The following ABCA3 variants were observed in gnomAD, a reference collection of about 807,000 sequenced individuals.
ABCA3 encodes phospholipid-transporting ATPase ABCA3.
A neutral mutation model predicts 172.8 loss-of-function variants in ABCA3; 88 were observed. The ratio of observed to expected loss-of-function variants is 0.51; its 90% confidence interval spans 0.43 to 0.61. ABCA3 has a LOEUF of 0.61. Among genes scored for constraint, ABCA3 ranks in the 20% least tolerant of loss-of-function variants. ABCA3 has a pLI of 0.00. For synonymous variants in ABCA3, 1,066 were observed against 983.8 expected, an observed-to-expected ratio of 1.08 and a Z score of -1.56; for missense variants, 2,164 against 2,301.0, an observed-to-expected ratio of 0.94 and a Z score of 1.22.
rs1163665763 is a variant in ABCA3, at chr16:2,332,610, C to T, written c.-538-2756G>A. 14 of 1,574,268 alleles carry T rather than the reference C, an allele frequency of 8.9e-6. No individual in the cohort carries two copies. The East Asian group carries it at 2.7e-4, about 30-fold the overall frequency. ...GCAAAACTGGCTCCAGCAGCTTGTACTGTAGCGTGGGCGGCTCAATCTTCT... is the reference window on the plus strand; with the variant it reads ...GCAAAACTGGCTCCAGCAGCTTGTATTGTAGCGTGGGCGGCTCAATCTTCT... On this transcript the variant is annotated intron_variant, in intron 1 of 32. Coordinates refer to ENST00000301732, the MANE Select transcript of ABCA3 (RefSeq NM_001089.3).
At position 2,281,387 on chromosome 16, in the gene ABCA3, G is replaced by A. The variant is rs762696482; in HGVS notation, c.4158C>T (p.Leu1386=). 3.1e-6 allele frequency: 5 copies of A among 1,613,598 alleles called. No homozygotes were observed. In the African/African-American group the frequency reaches 6.7e-5, roughly 22 times the overall value. ...CCCCAAATTGCAAGGGTACCTTGGA[G>A]AGCTCCTTGATAATCAGAGGTGTGT... ...LLHTPLIIKE[L]SKVYEQRVPL... The change falls in exon 27 of 33, where the codon CTC becomes CTT. Residue 1386 remains leucine, a synonymous_variant. Transcript: ENST00000301732. The surrounding 1 kb of genome is among the most constrained non-coding windows in gnomAD (Gnocchi z 4.7).
chr16:2,317,569 A>T (rs929760139), intron 9 of ABCA3, 79 bp downstream of exon 9: 4 of 1,589,586 alleles, frequency 2.5e-6, no homozygotes, highest in Non-Finnish European at 3.5e-6. Flanking sequence ...TCTGACCACA[A>T]AGTTCTTCCC....
intron 17 of ABCA3, among the ~76,000 whole-genome samples, chr16:2,296,368 G>A (rs907401019): frequency 6.6e-6 from 1 of 152,116 alleles, no homozygotes; most frequent in African/African-American, 2.4e-5. Flanking sequence ...CCAAGTAGCT[G>A]GGATTACAGG....
In ABCA3 at chr16:2,298,046, AGG is replaced by A. The variant is rs1451302699; in HGVS notation, c.1897-127_1897-126del. ...GGGGAGATGCAGGGCTCCTGGCGGG[AGG>A]CCGACCACGGCCAGCAAGGTTCTGG... On this transcript the variant is annotated intron_variant, in intron 15 of 32. Coordinates refer to ENST00000301732, the MANE Select transcript of ABCA3 (RefSeq NM_001089.3). The A allele has an allele frequency of 9.3e-6, 7 of 754,380 alleles. No individual in the cohort carries two copies. The African/African-American group carries it at 9.9e-5, about 11-fold the overall frequency. The allele number at this position is 754,380 out of a possible 1,614,324, so 46.7% of individuals were successfully genotyped here.
intron 1 of ABCA3, among the ~76,000 whole-genome samples, chr16:2,337,986 T>C (rs1187645907): frequency 6.6e-6 from 1 of 152,216 alleles, no homozygotes; most frequent in Non-Finnish European, 1.5e-5. Context: ...CGGGACAGAC[T>C]TCCACAAAAT....
intron 12 of ABCA3, among the ~76,000 whole-genome samples, chr16:2,300,581 C>T (rs188489899): frequency 1.1e-4 from 17 of 152,278 alleles, no homozygotes; most frequent in East Asian, 5.8e-4. Flanking sequence ...CAAGAGAAGC[C>T]GAAGGCGCCA....
At chr16:2,315,287 G>A (rs11867129) in intron 10 of ABCA3, among the ~76,000 whole-genome samples, 1 of 150,666 alleles carries the variant, frequency 6.6e-6, no homozygotes, top group Non-Finnish European at 1.5e-5. Context: ...ATTGAAATTC[G>A]AACCGAAGAC....
At chr16:2,307,538 A>G (rs1480007450) in intron 11 of ABCA3, among the ~76,000 whole-genome samples, 1 of 152,030 alleles carries the variant, frequency 6.6e-6, no homozygotes, top group African/African-American at 2.4e-5. Flanking sequence ...TGGGAAACAG[A>G]ACGAGACTCT....
chr16:2,303,410 C>T (rs1040637046), intron 12 of ABCA3, among the ~76,000 whole-genome samples: 10 of 151,502 alleles, frequency 6.6e-5, no homozygotes, highest in African/African-American at 1.7e-4. Context: ...TACAGGCACC[C>T]GCCATCACAC....
intron 1 of ABCA3, among the ~76,000 whole-genome samples, chr16:2,335,746 G>C (rs1178618885): frequency 1.3e-5 from 2 of 152,200 alleles, no homozygotes; most frequent in Non-Finnish European, 2.9e-5. Flanking sequence ...AAGTTTCAGA[G>C]CTTTCCAGTT....
intron 12 of ABCA3, among the ~76,000 whole-genome samples, chr16:2,301,041 T>C (rs372478245): frequency 2.1e-4 from 31 of 149,792 alleles, no homozygotes; most frequent in East Asian, 1.2e-3. Flanking sequence ...CCATCCTGGC[T>C]AACACGGTGA....
Position 2,303,937 on chromosome 16 carries a change from C to T in ABCA3, c.1467+32G>A, listed in dbSNP as rs576112465. On this transcript the variant is annotated intron_variant, in intron 12 of 32. Coordinates refer to ENST00000301732, the MANE Select transcript of ABCA3 (RefSeq NM_001089.3). ...GGGGACACCTCTGCACTCAGAGAGG[C>T]GGCGGCTCAAGAGCAGGGCATCAGA... 1.2e-4 allele frequency: 186 copies of T among 1,612,530 alleles called. 2 individuals carry two copies. Among genetic ancestry groups the T allele is most frequent in the South Asian group, 7.1e-4 (65 of 91,046 alleles).
chr16:2,277,836 G>T lies in ABCA3; in HGVS notation c.4909+43C>A. 6.2e-7 allele frequency: 1 copy of T among 1,605,636 alleles called. No individual in the cohort carries two copies. Among genetic ancestry groups the T allele is most frequent in the South Asian group, 1.1e-5 (1 of 90,560 alleles). On this transcript the variant is annotated intron_variant, in intron 31 of 32. Transcript: ENST00000301732. This position sits in a 1 kb window ranked among gnomAD's most constrained non-coding sequence, Gnocchi z 5.3. ...GCAGATGGGAGAGGCCTAGGTAGGGGCCCAGGGCCCACCCAGTGGGGGCTG... is the reference window on the plus strand; with the variant it reads ...GCAGATGGGAGAGGCCTAGGTAGGGTCCCAGGGCCCACCCAGTGGGGGCTG...
At chr16:2,311,237 G>A (rs754666687) in intron 10 of ABCA3, among the ~76,000 whole-genome samples, 1 of 152,096 alleles carries the variant, frequency 6.6e-6, no homozygotes, top group Non-Finnish European at 1.5e-5. Flanking sequence ...CTCCCAAAGT[G>A]CTGGAATTAC....
At position 2,288,324 on chromosome 16, in the gene ABCA3, G is replaced by A; in HGVS notation, c.2706C>T (p.Ala902=). The change falls in exon 21 of 33, where the codon GCC becomes GCT. Residue 902 remains alanine, a synonymous_variant. Coordinates refer to ENST00000301732, the MANE Select transcript of ABCA3 (RefSeq NM_001089.3). The part of the protein sequence containing the change: ...RTAVKLNTGL[A]LHCQQFWAMF... Reference sequence around the variant, plus strand: ...TGGCCCAGAATTGCTGGCAGTGCAGGGCGAGCTGCGGCAGAGGGGACGCAG... The same window carrying A: ...TGGCCCAGAATTGCTGGCAGTGCAGAGCGAGCTGCGGCAGAGGGGACGCAG... The A allele has an allele frequency of 6.4e-7, 1 of 1,551,974 alleles. No homozygotes were observed.
In ABCA3 at chr16:2,288,180, G is replaced by C; in HGVS notation, c.2850C>G (p.Leu950=). The C allele has an allele frequency of 6.2e-7, 1 of 1,605,642 alleles. No homozygotes were observed. The highest frequency in any genetic ancestry group is 8.5e-7 in the Non-Finnish European group (1 of 1,175,976). ...ALLAINYSSE[L]FDDPMLRLTL... ...TCAGCCTCAGCATGGGGTCGTCGAA[G>C]AGCTCCGAGGAGTAGTTGATGGCCA... Residue 950 remains leucine, a synonymous_variant, in exon 21 of 33, where the codon CTC becomes CTG. Transcript: ENST00000301732.
chr16:2,310,964 T>C (rs1380866724), intron 10 of ABCA3, among the ~76,000 whole-genome samples: 1 of 152,012 alleles, frequency 6.6e-6, no homozygotes, highest in Non-Finnish European at 1.5e-5. Flanking sequence ...ACTCTTTTCT[T>C]TCTTTTCTTT....
intron 1 of ABCA3, among the ~76,000 whole-genome samples, chr16:2,335,036 C>T (rs1261291482): frequency 1.3e-5 from 2 of 151,934 alleles, no homozygotes; most frequent in Non-Finnish European, 2.9e-5. Context: ...ACCATGTTGG[C>T]CAGGCTGGTC....
intron 10 of ABCA3, among the ~76,000 whole-genome samples, chr16:2,316,300 G>A (rs1481024041): frequency 1.6e-5 from 2 of 121,850 alleles, no homozygotes; most frequent in Non-Finnish European, 3.3e-5. Context: ...CAGAACAAGA[G>A]GCAGTCTCAA....
Sources: allele counts gnomAD v4.1 joint callset (sites outside exome capture counted in the v4.1 genomes callset), GRCh38; gene constraint gnomAD v4.1.1; non-coding constraint Gnocchi (gnomAD v3.1); transcripts MANE v1.5; gene names NCBI Gene and HGNC (gene_info 2026-07-23, HGNC 2026-07-21).